Variants in PLK2 observed in about 807,000 individuals in gnomAD.
PLK2 encodes the protein polo like kinase 2.
Under a neutral mutation model 78.1 loss-of-function variants are expected in PLK2, and 25 were observed. The ratio of observed to expected loss-of-function variants is 0.32; its 90% CI spans 0.23 to 0.45. PLK2 has a LOEUF of 0.45. Ranked by LOEUF, PLK2 falls within the 20% of genes least tolerant of loss-of-function variation. PLK2 has a pLI of 1.00. For synonymous variants in PLK2, 332 were observed against 298.2 expected, an observed-to-expected ratio of 1.11 and a Z score of -1.17; for missense variants, 566 against 840.2, an observed-to-expected ratio of 0.67 and a Z score of 4.04.
In PLK2 at chr5:58,455,543, T is replaced by C; in HGVS notation, c.1621A>G (p.Lys541Glu). 6.2e-7 allele frequency: 1 copy of C among 1,614,164 alleles called. No individual in the cohort carries two copies. The highest frequency in any genetic ancestry group is 1.1e-5 in the South Asian group (1 of 91,086). ...NGAHMSLLPD[K>E]KTVHYYAELG... ...TTCATTAATTGATACACTTACTTTT[T>C]GTCTGGAAGGAGGCTCATGTGAGCA... Residue 541 changes from lysine to glutamate, a missense_variant, in exon 11 of 14, where the codon AAA becomes GAA. Physicochemically the swap from Lys to Glu is moderately conservative, Grantham distance 56. This residue lies in a region of PLK2 where 130 missense variants were observed against 196.4 expected (regional missense o/e 0.66). Coordinates refer to ENST00000274289, the MANE Select transcript of PLK2 (RefSeq NM_006622.4).
In PLK2 at chr5:58,457,317, C is replaced by G. The variant is rs1257930398; in HGVS notation, c.872G>C (p.Cys291Ser). 1 of 1,613,478 alleles carries G rather than the reference C, an allele frequency of 6.2e-7. No individual in the cohort carries two copies. Among genetic ancestry groups the G allele is most frequent in the African/African-American group, 1.3e-5 (1 of 74,930 alleles). ...CATTGTATACCTTGCTTCCCTTATG[C>G]ACCTATAAGTTTCTTTGAGATTTGT... ...ETTNLKETYR[C>S]IREARYTMPS... The change falls in exon 7 of 14, where the codon TGC (cysteine) becomes TCC (serine). Residue 291 changes from cysteine to serine, a missense_variant. By Grantham distance (112) the Cys-to-Ser change is moderately radical. Around this residue, in one of 5 missense-constraint regions of PLK2, gnomAD observed 179 missense variants for 342.3 expected, o/e 0.52. Coordinates refer to ENST00000274289, the MANE Select transcript of PLK2 (RefSeq NM_006622.4).
rs1192544384 is a variant in PLK2 at position 58,456,241 on chromosome 5, A to G, written c.1255-86T>C. 3.8e-6 allele frequency: 5 copies of G among 1,301,490 alleles called. No individual in the cohort carries two copies. The Admixed American group carries it at 1.1e-4, about 29-fold the overall frequency. The allele number at this position is 1,301,490 out of a possible 1,614,324, so 80.6% of individuals were successfully genotyped here. On this transcript the variant is annotated intron_variant, in intron 9 of 13. Transcript: ENST00000274289. The stretch of plus-strand genomic sequence containing the variant: ...TTCCAGATTAAGATGAGAGTGAGGC[A>G]ATTGCTGGGAAAGCTCATCAAAAAG...
At chr5:58,458,248 G>T in intron 4 of PLK2, 77 bp from the exon 5 acceptor site, 1 of 1,298,612 alleles carries the variant, frequency 7.7e-7, no homozygotes, top group Non-Finnish European at 1.1e-6. Flanking sequence ...CCACTTTGGA[G>T]CCAGGCAGCC....
In PLK2 at chr5:58,460,060, G is replaced by C. The variant is rs1257161547; in HGVS notation, c.-101C>G. 1.5e-6 allele frequency: 2 copies of C among 1,350,822 alleles called. No individual in the cohort carries two copies. Among genetic ancestry groups the C allele is most frequent in the African/African-American group, 1.5e-5 (1 of 68,712 alleles). The allele number at this position is 1,350,822 out of a possible 1,614,324, so 83.7% of individuals were successfully genotyped here. ...GCACCCTTGCCTCTGGTGCCGACTA[G>C]CACCCAACACCCCGGTCCACTTGTG... On this transcript the variant is annotated 5_prime_UTR_variant, in exon 1 of 14. Transcript: ENST00000274289.
intron 9 of PLK2, 68 bp from the exon 10 acceptor site, chr5:58,456,223 T>G: frequency 1.4e-6 from 2 of 1,478,460 alleles, no homozygotes; most frequent in Non-Finnish European, 1.9e-6. Context: ...GAATTCCAGA[T>G]TAAGATGAGA....
In PLK2 at chr5:58,457,090, G is replaced by A; in HGVS notation, c.1011C>T (p.Gly337=). The A allele has an allele frequency of 6.2e-7, 1 of 1,612,612 alleles. No homozygotes were observed. The highest frequency in any genetic ancestry group is 8.5e-7 in the Non-Finnish European group (1 of 1,179,412). ...TAGAAGACAGTCTGTCCGGAGTGAA[G>A]CCCTGTGGAATATTAGAAAAAGCCT... The part of the protein sequence containing the change: ...DIIRHDFFLQ[G]FTPDRLSSSC... The change falls in exon 8 of 14, where the codon GGC becomes GGT. Residue 337 remains glycine, a splice_region_variant and synonymous_variant. Coordinates refer to ENST00000274289, the MANE Select transcript of PLK2 (RefSeq NM_006622.4).
In PLK2 at chr5:58,454,354, C is replaced by T; in HGVS notation, c.*229G>A. 1 of 406,462 alleles carries T rather than the reference C, an allele frequency of 2.5e-6. No homozygotes were observed. Among genetic ancestry groups the T allele is most frequent in the South Asian group, 9.6e-5 (1 of 10,458 alleles). The allele number at this position is 406,462 out of a possible 1,614,324, so 25.2% of individuals were successfully genotyped here. ...AAATTGTCTGAAAAACCTTTTAAAA[C>T]AGGTATCTCAAGGAAAACTGCATTC... On this transcript the variant is annotated 3_prime_UTR_variant, in exon 14 of 14. Coordinates refer to ENST00000274289, the MANE Select transcript of PLK2 (RefSeq NM_006622.4).
In PLK2 at chr5:58,455,756, T is replaced by C; in HGVS notation, c.1408A>G (p.Ser470Gly). 6.2e-7 allele frequency: 1 copy of C among 1,613,756 alleles called. No homozygotes were observed. The highest frequency in any genetic ancestry group is 8.5e-7 in the Non-Finnish European group (1 of 1,179,994). The change falls in exon 11 of 14, where the codon AGT (serine) becomes GGT (glycine). Residue 470 changes from serine (S) to glycine (G), a missense_variant. This residue lies in a region of PLK2 where 129 missense variants were observed against 156.0 expected (regional missense o/e 0.83). Transcript: ENST00000274289. ...SECLEDSTMG[S>G]VADTVARVLR... is the part of the protein sequence containing the mutation. ...ACCCTTGCCACTGTGTCTGCAACAC[T>C]TCCCATGGTACTGTCTTCAAGGCCT...
rs375742702 is a variant in PLK2, at chr5:58,454,717, G to C, written c.1924C>G (p.Leu642Val). 2.4e-5 allele frequency: 39 copies of C among 1,612,964 alleles called. No homozygotes were observed. The highest frequency in any genetic ancestry group is 1.7e-4 in the Middle Eastern group (1 of 6,058). The stretch of plus-strand genomic sequence containing the variant: ...CTATCCTCATTGATGTAGGTGAGAA[G>C]GTATTCTTCATTTTGGCTACAGATG... ...IIICSQNEEY[L>V]LTYINEDRIS... Residue 642 changes from leucine (L) to valine (V), a missense_variant, in exon 14 of 14, where the codon CTT (leucine) becomes GTT (valine). Leu to Val is a conservative substitution (Grantham distance 32, BLOSUM62 1). Transcript: ENST00000274289.
intron 10 of PLK2, 28 bp from the exon 11 acceptor site, chr5:58,455,807 G>A (rs1294543189): frequency 1.2e-6 from 2 of 1,608,492 alleles, no homozygotes; most frequent in African/African-American, 2.7e-5. Context: ...AATGTTTCAA[G>A]TTATACAATA....
chr5:58,458,476 C>T lies in PLK2; in HGVS notation c.548G>A (p.Arg183Gln). 1.2e-6 allele frequency: 2 copies of T among 1,611,946 alleles called. No homozygotes were observed. The highest frequency in any genetic ancestry group is 1.1e-5 in the South Asian group (1 of 91,012). Residue 183 changes from arginine (R) to glutamine (Q), a missense_variant, in exon 4 of 14, where the codon CGA becomes CAA. Coordinates refer to ENST00000274289, the MANE Select transcript of PLK2 (RefSeq NM_006622.4). The part of the protein sequence containing the change: ...ARKVLTEPEV[R>Q]YYLRQIVSGL... ...AGACACAATCTGCCTGAGGTAGTAT[C>T]GAACTTCTGGCTCTGTCAACACCTT...
rs1743647793 is a variant in PLK2, at chr5:58,457,754, G to A, written c.714-171C>T. 2.5e-5 allele frequency: 15 copies of A among 598,358 alleles called. No individual in the cohort carries two copies. In the Admixed American group the frequency reaches 4.5e-4, roughly 18 times the overall value. 37.1% of individuals were successfully genotyped at this position (598,358 alleles called of 1,614,324 possible). A position where few individuals can be genotyped will look rare whatever the true frequency, so the allele number is the denominator to read the frequency against. On this transcript the variant is annotated intron_variant, in intron 5 of 13. Transcript: ENST00000274289. ...GCATCTGAAAATTCAATTGAGATCT[G>A]ACCAAATGAGTTTTGGTAATTTTTA...
chr5:58,455,223 C>T lies in PLK2; in HGVS notation c.1755+62G>A, dbSNP rs1743563584. On this transcript the variant is annotated intron_variant, in intron 12 of 13. Transcript: ENST00000274289. The stretch of plus-strand genomic sequence containing the variant: ...GTTTCTAACAAGCTTCAAAGTGATG[C>T]AGACACTACTGCTTTGTGGCCTACA... The T allele has an allele frequency of 1.1e-5, 17 of 1,565,430 alleles. 1 individual carries two copies. In the Middle Eastern group the frequency reaches 1.0e-3, roughly 94 times the overall value.
rs1038399885 is a variant in PLK2, at chr5:58,459,604, C to A, written c.270+86G>T. On this transcript the variant is annotated intron_variant, in intron 1 of 13. Coordinates refer to ENST00000274289, the MANE Select transcript of PLK2 (RefSeq NM_006622.4). ...CCCCGAAAAACCCGGAAGCGGCGGG[C>A]GAGGGACCCCGCGGGCTTGCCCGGC... 4.5e-4 allele frequency: 542 copies of A among 1,208,168 alleles called. 2 individuals are homozygous for A. In the African/African-American group the frequency reaches 6.6e-3, roughly 15 times the overall value. The allele number at this position is 1,208,168 out of a possible 1,614,324, so 74.8% of individuals were successfully genotyped here.
Position 58,459,769 on chromosome 5 carries a change from T to C in PLK2, c.191A>G (p.His64Arg). The C allele has an allele frequency of 6.2e-7, 1 of 1,607,358 alleles. No individual in the cohort carries two copies. Among genetic ancestry groups the C allele is most frequent in the Non-Finnish European group, 8.5e-7 (1 of 1,179,484 alleles). The change falls in exon 1 of 14, where the codon CAC becomes CGC. Residue 64 changes from histidine (H) to arginine (R), a missense_variant. By Grantham distance (29) the His-to-Arg change is conservative. Coordinates refer to ENST00000274289, the MANE Select transcript of PLK2 (RefSeq NM_006622.4). ...AAPHHHHHHS[H>R]SGPEISRIIV... ...AATCCGCGAGATCTCCGGCCCCGAG[T>C]GCGAATGGTGGTGATGGTGGTGAGG...
chr5:58,455,248 A>G (rs1266140349), intron 12 of PLK2, 37 bp downstream of exon 12: 1 of 1,609,564 alleles, frequency 6.2e-7, no homozygotes, highest in South Asian at 1.1e-5. Context: ...TGTGGCCTAC[A>G]CTTCAAATGT....
chr5:58,459,199 A>G, intron 1 of PLK2, 107 bp from the exon 2 acceptor site: 1 of 678,052 alleles, frequency 1.5e-6, no homozygotes, highest in Non-Finnish European at 2.6e-6. Flanking sequence ...AAAAAAAAAA[A>G]TTGAGGAATG....
In PLK2 at chr5:58,456,603, A is replaced by T; in HGVS notation, c.1157-14T>A. 7.0e-7 allele frequency: 1 copy of T among 1,419,226 alleles called. No homozygotes were observed. The highest frequency in any genetic ancestry group is 9.9e-7 in the Non-Finnish European group (1 of 1,007,268). The allele number at this position is 1,419,226 out of a possible 1,614,324, so 87.9% of individuals were successfully genotyped here. ...TAGACACTCTATCTGTATATCAAGA[A>T]ACAGAATTACAAACATTAGTCTATC... On this transcript the variant is annotated splice_polypyrimidine_tract_variant and intron_variant, in intron 8 of 13. Transcript: ENST00000274289.
At chr5:58,458,560 G>A in intron 3 of PLK2, 32 bp from the exon 4 acceptor site, 2 of 1,585,654 alleles carry the variant, frequency 1.3e-6, no homozygotes, top group Non-Finnish European at 1.7e-6. Flanking sequence ...AAGAGAATCT[G>A]TCAAAACAGT....
Sources: gnomAD v4.1 joint callset for allele counts on GRCh38, gnomAD v4.1.1 for gene constraint, gnomAD v4.1.1 regional missense constraint, MANE v1.5 for transcripts, NCBI Gene and HGNC (gene_info 2026-07-23, HGNC 2026-07-21) for gene names.